Variants in CHADL observed in about 807,000 individuals in gnomAD.
CHADL encodes chondroadherin-like protein.
A neutral mutation model predicts 52.1 loss-of-function variants in CHADL; 48 were observed. That is an observed-to-expected ratio of 0.92 (90% CI 0.73 to 1.17). The LOEUF (loss-of-function observed/expected upper bound fraction) is 1.17, where lower values mean the gene tolerates loss of function less well. Among genes scored for constraint, CHADL ranks in the 50% most tolerant of loss-of-function variants. The pLI is 0.00. For synonymous variants in CHADL, 498 were observed against 511.2 expected (o/e 0.97, Z 0.35); for missense variants, 977 against 1,035.1 (o/e 0.94, Z 0.77).
At position 41,238,257 on chromosome 22, in the gene CHADL, C is replaced by T; in HGVS notation, c.815G>A (p.Arg272Lys). Reference protein sequence around the residue: ...DGGALQALGPRAFAHCPRLHT... With the variant: ...DGGALQALGPKAFAHCPRLHT... ...CAGGCGCGGACAGTGTGCGAAGGCC[C>T]TGGGACCCAGGGCCTGCAGGGCCCC... The change falls in exon 3 of 6, where the codon AGG (arginine) becomes AAG (lysine). Residue 272 changes from arginine to lysine, a missense_variant. Arg to Lys is a conservative substitution (Grantham distance 26, BLOSUM62 2). Coordinates refer to ENST00000216241, the MANE Select transcript of CHADL (RefSeq NM_138481.2). The surrounding 1 kb of genome is among the most constrained non-coding windows in gnomAD (Gnocchi z 4.9). 1.3e-6 allele frequency: 2 copies of T among 1,530,734 alleles called. No individual in the cohort carries two copies. Among genetic ancestry groups the T allele is most frequent in the Non-Finnish European group, 1.7e-6 (2 of 1,145,042 alleles). The allele number at this position is 1,530,734 out of a possible 1,614,324, so 94.8% of individuals were successfully genotyped here.
rs577865972 is a variant in CHADL, at chr22:41,236,629, C to A, written c.1918G>T (p.Gly640Cys). 6.5e-7 allele frequency: 1 copy of A among 1,549,634 alleles called. No individual in the cohort carries two copies. Among genetic ancestry groups the A allele is most frequent in the African/African-American group, 1.4e-5 (1 of 73,138 alleles). Residue 640 changes from glycine to cysteine, a missense_variant, in exon 4 of 6, where the codon GGC becomes TGC. Transcript: ENST00000216241. ...AGGCTCTGGAGCCCGGGCCCCAGGC[C>A]TGAAAAGGCCCCAGGACAAATCTGC... ...LEQICPGAFS[G>C]LGPGLQSLHL... is the part of the protein sequence containing the mutation.
chr22:41,237,113 T>C, intron 3 of CHADL, 63 bp downstream of exon 3: 1 of 1,445,906 alleles, frequency 6.9e-7, no homozygotes, highest in Non-Finnish European at 9.2e-7. Flanking sequence ...GTTGAGTGAA[T>C]GCACGCTGCC....
rs1167542168 is a variant in CHADL, at chr22:41,237,959, C to T, written c.1113G>A (p.Arg371=). ...AAQEEEELEE[R]AVAGPRAPPR... is the part of the protein sequence containing the mutation. ...GAGGGGCGCGGGGCCCGGCCACAGCCCGCTCTTCCAGCTCTTCCTCTTCCT... is the reference window on the plus strand; with the variant it reads ...GAGGGGCGCGGGGCCCGGCCACAGCTCGCTCTTCCAGCTCTTCCTCTTCCT... Residue 371 remains arginine (R), a synonymous_variant, in exon 3 of 6, where the codon CGG becomes CGA. Coordinates refer to ENST00000216241, the MANE Select transcript of CHADL (RefSeq NM_138481.2). 10 of 1,262,636 alleles carry T rather than the reference C, an allele frequency of 7.9e-6. No individual in the cohort carries two copies. Among genetic ancestry groups the T allele is most frequent in the Non-Finnish European group, 9.9e-6 (10 of 1,009,194 alleles). 78.2% of individuals were successfully genotyped at this position (1,262,636 alleles called of 1,614,324 possible).
At position 41,237,756 on chromosome 22, in the gene CHADL, G is replaced by A; in HGVS notation, c.1316C>T (p.Ser439Leu). The A allele has an allele frequency of 6.5e-7, 1 of 1,538,608 alleles. No individual in the cohort carries two copies. Residue 439 changes from serine to leucine, a missense_variant, in exon 3 of 6, where the codon TCG (serine) becomes TTG (leucine). Transcript: ENST00000216241. ...GCCGGGGAAGGCCGCTCGGGGCACCGAGGGGAAGTGGTTCCGCCTCAGGTC... is the reference window on the plus strand; with the variant it reads ...GCCGGGGAAGGCCGCTCGGGGCACCAAGGGGAAGTGGTTCCGCCTCAGGTC... ...LLDLRRNHFP[S>L]VPRAAFPGLG...
In CHADL at chr22:41,236,674, A is replaced by G. The variant is rs529470267; in HGVS notation, c.1897-24T>C. The stretch of plus-strand genomic sequence containing the variant: ...ATCTGCAAGGAGTTGCCAGGCCCCA[A>G]TGTGAGCTCCTGGCAGAGCTGTCCC... On this transcript the variant is annotated intron_variant, in intron 3 of 5. Transcript: ENST00000216241. 2.6e-4 allele frequency: 394 copies of G among 1,538,824 alleles called. 1 individual carries two copies. Among genetic ancestry groups the G allele is most frequent in the African/African-American group, 1.4e-3 (104 of 72,904 alleles).
rs754997417 is a variant in CHADL at position 41,239,635 on chromosome 22, G to GA, written c.9-16dup. On this transcript the variant is annotated splice_polypyrimidine_tract_variant and intron_variant, in intron 1 of 5. Coordinates refer to ENST00000216241, the MANE Select transcript of CHADL (RefSeq NM_138481.2). ...AGCTCCGGGGCCTGGGACGGGGAGG[G>GA]AGAGTCTGTTGTGCACAAGGGCCGA... 25 of 1,519,542 alleles carry GA rather than the reference G, an allele frequency of 1.6e-5. No individual in the cohort carries two copies. The Admixed American group carries it at 2.0e-4, about 12-fold the overall frequency. 94.1% of individuals were successfully genotyped at this position (1,519,542 alleles called of 1,614,324 possible).
rs757937483 is a variant in CHADL at position 41,229,660 on chromosome 22, A to G, written c.*44T>C. The G allele has an allele frequency of 6.2e-7, 1 of 1,613,332 alleles. No homozygotes were observed. Among genetic ancestry groups the G allele is most frequent in the Non-Finnish European group, 8.5e-7 (1 of 1,180,022 alleles). ...TCGGAGCCTGTTCCTGGCGAGAGTAAGAGCCACCGGGCTGGGTCAAGGCAG... is the reference window on the plus strand; with the variant it reads ...TCGGAGCCTGTTCCTGGCGAGAGTAGGAGCCACCGGGCTGGGTCAAGGCAG... On this transcript the variant is annotated 3_prime_UTR_variant, in exon 6 of 6. Coordinates refer to ENST00000216241, the MANE Select transcript of CHADL (RefSeq NM_138481.2).
At chr22:41,240,800 A>AG (rs1325465147) in intron 1 of CHADL, 74 bp downstream of exon 1, 2 of 1,522,132 alleles carry the variant, frequency 1.3e-6, no homozygotes, top group Middle Eastern at 1.7e-4. Context: ...AGAGGCCCAG[A>AG]GGGGGCAGAG....
chr22:41,234,312 T>G (rs1226515412), intron 5 of CHADL, among the ~76,000 whole-genome samples: 1 of 152,020 alleles, frequency 6.6e-6, no homozygotes, highest in Non-Finnish European at 1.5e-5. Context: ...AAACCCACCC[T>G]GGGTCTAGCC....
At position 41,229,603 on chromosome 22, in the gene CHADL, A is replaced by T; in HGVS notation, c.*101T>A. On this transcript the variant is annotated 3_prime_UTR_variant, in exon 6 of 6. Coordinates refer to ENST00000216241, the MANE Select transcript of CHADL (RefSeq NM_138481.2). ...CAGGGGTCCAAGAAGCCCCTGCTGG[A>T]GGACGACCCTCAGGGTGCCAGGAAG... 6.2e-7 allele frequency: 1 copy of T among 1,613,846 alleles called. No individual in the cohort carries two copies. Among genetic ancestry groups the T allele is most frequent in the Non-Finnish European group, 8.5e-7 (1 of 1,179,830 alleles).
chr22:41,230,079 G>GGGGCC, intron 5 of CHADL: 1 of 532,754 alleles, frequency 1.9e-6, no homozygotes. Flanking sequence ...CAGCTCCTCC[G>GGGGCC]CCCCCACCCC....
In CHADL at chr22:41,238,028, G is replaced by A; in HGVS notation, c.1044C>T (p.Asp348=). The A allele has an allele frequency of 1.6e-6, 2 of 1,280,196 alleles. No homozygotes were observed. Among genetic ancestry groups the A allele is most frequent in the Non-Finnish European group, 2.0e-6 (2 of 1,020,102 alleles). 79.3% of individuals were successfully genotyped at this position (1,280,196 alleles called of 1,614,324 possible). ...AGCGCAGGTCCCAGGGCCGCAGGGC[G>A]TCCAGAGCCTCGCCCCGCAGGCGCC... is the stretch of plus-strand genomic sequence containing the variant. The part of the protein sequence containing the change: ...GPRRLRGEAL[D]ALRPWDLRCP... The change falls in exon 3 of 6, where the codon GAC becomes GAT. Residue 348 remains aspartate, a synonymous_variant. Coordinates refer to ENST00000216241, the MANE Select transcript of CHADL (RefSeq NM_138481.2). The surrounding 1 kb of genome is among the most constrained non-coding windows in gnomAD (Gnocchi z 4.9).
chr22:41,238,391 G>A lies in CHADL; in HGVS notation c.681C>T (p.Ser227=). Residue 227 remains serine (S), a synonymous_variant, in exon 3 of 6, where the codon TCC becomes TCT. Transcript: ENST00000216241. This position sits in a 1 kb window ranked among gnomAD's most constrained non-coding sequence, Gnocchi z 4.9. The part of the protein sequence containing the change: ...ELQALPGPVL[S]QARGLARLEL... ...CCAGACGGGCCAGGCCGCGGGCCTG[G>A]GACAAGACAGGCCCGGGCAGAGCCT... The A allele has an allele frequency of 6.6e-7, 1 of 1,505,036 alleles. No homozygotes were observed. Among genetic ancestry groups the A allele is most frequent in the South Asian group, 1.3e-5 (1 of 79,570 alleles). The allele number at this position is 1,505,036 out of a possible 1,614,324, so 93.2% of individuals were successfully genotyped here.
At chr22:41,229,868 G>T in intron 5 of CHADL, 138 bp from the exon 6 acceptor site, 1 of 825,362 alleles carries the variant, frequency 1.2e-6, no homozygotes, top group Non-Finnish European at 2.0e-6. Context: ...CCCGGCCCCG[G>T]CCCCTCCTCC....
intron 5 of CHADL, among the ~76,000 whole-genome samples, chr22:41,232,495 G>A (rs1285325989): frequency 2.6e-5 from 4 of 152,248 alleles, no homozygotes; most frequent in East Asian, 1.9e-4. Context: ...ACTGGCAGAC[G>A]TCCATCCTGG....
chr22:41,239,813 C>T (rs2032829233), intron 1 of CHADL, among the ~76,000 whole-genome samples, 193 bp from the exon 2 acceptor site: 1 of 152,190 alleles, frequency 6.6e-6, no homozygotes, highest in Non-Finnish European at 1.5e-5. Flanking sequence ...TATGATTAGT[C>T]CTGTTTTACA....
Position 41,237,760 on chromosome 22 carries a change from G to A in CHADL, c.1312C>T (p.Pro438Ser), listed in dbSNP as rs760360066. The A allele has an allele frequency of 1.3e-6, 2 of 1,538,358 alleles. No individual in the cohort carries two copies. Among genetic ancestry groups the A allele is most frequent in the Non-Finnish European group, 1.8e-6 (2 of 1,142,216 alleles). ...QLLDLRRNHF[P>S]SVPRAAFPGL... The stretch of plus-strand genomic sequence containing the variant: ...GGGAAGGCCGCTCGGGGCACCGAGG[G>A]GAAGTGGTTCCGCCTCAGGTCCAGG... Residue 438 changes from proline to serine, a missense_variant, in exon 3 of 6, where the codon CCC (proline) becomes TCC (serine). Transcript: ENST00000216241.
chr22:41,235,241 G>A lies in CHADL; in HGVS notation c.2166C>T (p.Cys722=). 5 of 1,551,372 alleles carry A rather than the reference G, an allele frequency of 3.2e-6. No homozygotes were observed. The highest frequency in any genetic ancestry group is 2.0e-5 in the Admixed American group (1 of 51,012). ...TGGCCTTTCTGGCAGCCCAGCCCGG[G>A]CAGTCTTCAAAGACAGCAGCTGCAG... ...VKAAAAVFED[C]PGWAARKAKR... The change falls in exon 5 of 6, where the codon TGC becomes TGT. Residue 722 remains cysteine, a synonymous_variant. Coordinates refer to ENST00000216241, the MANE Select transcript of CHADL (RefSeq NM_138481.2).
At position 41,229,688 on chromosome 22, in the gene CHADL, C is replaced by G. The variant is rs557770534; in HGVS notation, c.*16G>C. On this transcript the variant is annotated 3_prime_UTR_variant, in exon 6 of 6. Coordinates refer to ENST00000216241, the MANE Select transcript of CHADL (RefSeq NM_138481.2). The stretch of plus-strand genomic sequence containing the variant: ...GCCACCGGGCTGGGTCAAGGCAGGA[C>G]CAGCCTGCTCCGTGCTCAGAGACGA... The G allele has an allele frequency of 1.3e-4, 212 of 1,612,826 alleles. 3 individuals carry two copies. In the South Asian group the frequency reaches 2.2e-3, roughly 17 times the overall value.
Sources: gnomAD v4.1 joint callset for allele counts (sites outside exome capture counted in the v4.1 genomes callset) on GRCh38, gnomAD v4.1.1 for gene constraint, Gnocchi (gnomAD v3.1) non-coding constraint, MANE v1.5 for transcripts, NCBI Gene and HGNC (gene_info 2026-07-23, HGNC 2026-07-21) for gene names.